Variants in PCDH15 observed in about 807,000 individuals in gnomAD.
The protein encoded by PCDH15 is protocadherin related 15, also known as protocadherin-15.
A neutral mutation model predicts 178.5 loss-of-function variants in PCDH15; 129 were observed. That is an observed-to-expected ratio of 0.72 (90% CI 0.63 to 0.84). PCDH15 has a LOEUF of 0.84. Among genes scored for constraint, PCDH15 ranks in the 40% least tolerant of loss-of-function variants. The pLI, the probability that PCDH15 is intolerant of heterozygous loss-of-function variation, is 0.00. For synonymous variants in PCDH15, 800 were observed against 732.0 expected (o/e 1.09, Z -1.50); for missense variants, 2,230 against 2,099.9 (o/e 1.06, Z -1.21).
chr10:55,341,776 TATATATATATATATATATATATATATATA>T (rs1419158386), intron 2 of PCDH15, among the ~76,000 whole-genome samples: 15 of 10,598 alleles, frequency 1.4e-3, no homozygotes, highest in Admixed American at 3.5e-3. Context: ...TATATATATA[TATATATATATATATATATATATATATATA>T]TTTTTTTTTT....
chr10:54,421,925 T>C (rs187062780), intron 3 of PCDH15, among the ~76,000 whole-genome samples: 6 of 26,958 alleles, frequency 2.2e-4, no homozygotes, highest in Non-Finnish European at 2.9e-4. Flanking sequence ...TATATATATA[T>C]ACACTATATA....
At chr10:54,525,559 A>G (rs2083286802) in intron 3 of PCDH15, among the ~76,000 whole-genome samples, 1 of 152,260 alleles carries the variant, frequency 6.6e-6, no homozygotes, top group African/African-American at 2.4e-5. Context: ...CCCAGGTTCA[A>G]GTGATTCTCG....
chr10:54,356,132 T>C (rs1382145472), intron 5 of PCDH15, among the ~76,000 whole-genome samples: 4 of 152,054 alleles, frequency 2.6e-5, no homozygotes, highest in Non-Finnish European at 5.9e-5. Flanking sequence ...GACACTGTTT[T>C]GTCAAAGTGA....
At chr10:55,615,749 G>A (rs1388777145) in intron 2 of PCDH15, among the ~76,000 whole-genome samples, 5 of 152,074 alleles carry the variant, frequency 3.3e-5, no homozygotes, top group Non-Finnish European at 7.4e-5. Context: ...CATAGTGGCT[G>A]GCACCTGAAT....
At chr10:53,884,024 T>TA (rs11379965) in intron 26 of PCDH15, among the ~76,000 whole-genome samples, 95,827 of 151,514 alleles carry the variant, frequency 0.63, 30,923 homozygotes, top group Middle Eastern at 0.75. Flanking sequence ...CCTGTTTTTG[T>TA]AAAAAAACAA....
intron 2 of PCDH15, among the ~76,000 whole-genome samples, chr10:54,612,384 A>T (rs116623346): frequency 0.013 from 1,927 of 151,920 alleles, 44 homozygotes; most frequent in African/African-American, 0.044. Flanking sequence ...ATTCACTAAG[A>T]TAAAAGGATC....
intron 1 of PCDH15, among the ~76,000 whole-genome samples, chr10:55,251,258 C>CTACATATCATATATGTAGA (rs1841829208): frequency 1.3e-5 from 2 of 151,952 alleles, no homozygotes; most frequent in African/African-American, 4.8e-5. Flanking sequence ...ATACATGTAT[C>CTACATATCATATATGTAGA]TACCAATATG....
intron 1 of PCDH15, among the ~76,000 whole-genome samples, chr10:55,183,103 G>C (rs1051832335): frequency 6.6e-6 from 1 of 151,900 alleles, no homozygotes; most frequent in South Asian, 2.1e-4. Context: ...TTATTGTACA[G>C]AGGAAGCAGT....
chr10:53,898,230 G>A (rs890470629), intron 26 of PCDH15, among the ~76,000 whole-genome samples: 2 of 151,990 alleles, frequency 1.3e-5, no homozygotes, highest in East Asian at 1.9e-4. Flanking sequence ...GCCTCCCAAA[G>A]TGCTGGGATT....
chr10:54,399,895 G>A (rs977633719), intron 3 of PCDH15, among the ~76,000 whole-genome samples: 11 of 152,102 alleles, frequency 7.2e-5, no homozygotes, highest in African/African-American at 2.2e-4. Context: ...AATCTCAGGA[G>A]TTGCCAAAAT....
intron 2 of PCDH15, among the ~76,000 whole-genome samples, chr10:55,545,560 G>A (rs1193895867): frequency 1.3e-5 from 2 of 151,462 alleles, no homozygotes; most frequent in African/African-American, 4.9e-5. Context: ...ACAGGCGCAC[G>A]CTGCCACACC....
At chr10:54,220,096 T>A (rs2052612877) in intron 9 of PCDH15, among the ~76,000 whole-genome samples, 1 of 152,194 alleles carries the variant, frequency 6.6e-6, no homozygotes, top group African/African-American at 2.4e-5. Context: ...CTAGCTTTCA[T>A]CAGCATAGAA....
At chr10:53,947,803 G>A (rs2086697494) in intron 23 of PCDH15, among the ~76,000 whole-genome samples, 1 of 152,096 alleles carries the variant, frequency 6.6e-6, no homozygotes, top group Admixed American at 6.6e-5. Flanking sequence ...TAAGAGTTTT[G>A]CTTCTATTCA....
At chr10:54,596,768 G>C (rs1001114454) in intron 2 of PCDH15, among the ~76,000 whole-genome samples, 1 of 151,978 alleles carries the variant, frequency 6.6e-6, no homozygotes, top group Non-Finnish European at 1.5e-5. Flanking sequence ...GCCATGCAAA[G>C]AGAACACAGA....
At chr10:55,328,521 T>A (rs35152356) in intron 2 of PCDH15, among the ~76,000 whole-genome samples, 28,999 of 151,594 alleles carry the variant, frequency 0.19, 2,977 homozygotes, top group African/African-American at 0.26. Flanking sequence ...TATTATAATC[T>A]TATGGGATCG....
At chr10:54,340,546 T>C (rs964177143) in intron 6 of PCDH15, among the ~76,000 whole-genome samples, 1 of 152,072 alleles carries the variant, frequency 6.6e-6, no homozygotes, top group Non-Finnish European at 1.5e-5. Context: ...AAGAATGTGA[T>C]TTAGGGGAAG....
chr10:54,283,262 T>C (rs543666720), intron 8 of PCDH15, among the ~76,000 whole-genome samples: 17 of 152,294 alleles, frequency 1.1e-4, no homozygotes, highest in African/African-American at 3.8e-4. Flanking sequence ...TTTGTCACTC[T>C]TATTTCACCT....
At chr10:54,802,764 T>C (rs1952704964), upstream of PCDH15, among the ~76,000 whole-genome samples, 1 of 152,176 alleles carries the variant, frequency 6.6e-6, no homozygotes, top group African/African-American at 2.4e-5. Flanking sequence ...TCAGTAACCA[T>C]AAGAATTATT....
chr10:55,613,609 C>T (rs1165017244), intron 2 of PCDH15, among the ~76,000 whole-genome samples: 1 of 151,928 alleles, frequency 6.6e-6, no homozygotes, highest in Admixed American at 6.6e-5. Flanking sequence ...GACAATGATC[C>T]CTATTTCTTT....
Sources: gnomAD v4.1 joint callset for allele counts (sites outside exome capture counted in the v4.1 genomes callset) on GRCh38, gnomAD v4.1.1 for gene constraint, MANE v1.5 for transcripts, NCBI Gene and HGNC (gene_info 2026-07-23, HGNC 2026-07-21) for gene names.